CRTAP: variants seen among roughly 807,000 people sequenced by gnomAD.
The protein encoded by CRTAP is cartilage associated protein, also known as cartilage-associated protein.
In CRTAP, 33 loss-of-function variants were observed where a neutral mutation model predicts 42.7. The observed-to-expected ratio is 0.77, with a 90% CI of 0.59 to 1.03. The LOEUF (loss-of-function observed/expected upper bound fraction) is 1.03. Among genes scored for constraint, CRTAP ranks in the 50% least tolerant of loss-of-function variants. The pLI is 0.00. For synonymous variants in CRTAP, 243 were observed against 217.7 expected, an observed-to-expected ratio of 1.12 and a Z score of -1.02; for missense variants, 613 against 533.9, an observed-to-expected ratio of 1.15 and a Z score of -1.46.
intron 6 of CRTAP, among the ~76,000 whole-genome samples, chr3:33,141,633 G>C (rs1176091959): frequency 1.3e-5 from 2 of 152,204 alleles, no homozygotes; most frequent in Non-Finnish European, 2.9e-5. Flanking sequence ...GACTCTTATG[G>C]AAGGGGCCTC....
chr3:33,147,453 G>T lies in CRTAP; in HGVS notation c.*5005G>T, dbSNP rs532876768. On this transcript the variant is annotated 3_prime_UTR_variant, in exon 7 of 7. Coordinates refer to ENST00000320954, the MANE Select transcript of CRTAP (RefSeq NM_006371.5). ...AAATAGCTGGCTTTCGTTGCTTGTT[G>T]AATGAATGAGTGAGTTGGCTCTATA... is the stretch of plus-strand genomic sequence containing the variant. 1.5e-4 allele frequency: 23 copies of T among 152,664 alleles called. No individual in the cohort carries two copies. Among genetic ancestry groups the T allele is most frequent in the African/African-American group, 5.1e-4 (21 of 41,576 alleles). 9.5% of individuals were successfully genotyped at this position (152,664 alleles called of 1,614,324 possible). A position where few individuals can be genotyped will look rare whatever the true frequency, so the allele number is the denominator to read the frequency against.
Position 33,144,699 on chromosome 3 carries a change from T to TA in CRTAP, c.*2254dup, listed in dbSNP as rs2030674696. On this transcript the variant is annotated 3_prime_UTR_variant, in exon 7 of 7. Transcript: ENST00000320954. ...GAACCATCAGCATGTCAGTGGCATT[T>TA]AAAGCCATGCAGCTGGAGGGGCCAC... 1 of 152,166 alleles carries TA rather than the reference T, an allele frequency of 6.6e-6. No homozygotes were observed. The highest frequency in any genetic ancestry group is 1.5e-5 in the Non-Finnish European group (1 of 68,042). 9.4% of individuals were successfully genotyped at this position (152,166 alleles called of 1,614,324 possible). A position where few individuals can be genotyped will look rare whatever the true frequency, so the allele number is the denominator to read the frequency against.
intron 1 of CRTAP, among the ~76,000 whole-genome samples, chr3:33,116,091 T>G (rs1701339894): frequency 6.6e-6 from 1 of 152,168 alleles, no homozygotes; most frequent in African/African-American, 2.4e-5. Flanking sequence ...CAAATTTAGG[T>G]CACATAATCA....
rs1380555248 is a variant in CRTAP, at chr3:33,143,452, G to C, written c.*1004G>C. Reference sequence around the variant, plus strand: ...GTTATAAGTCTCCGAGTTGGAAAAGGAAGAAAGCCAGAGCTGTCTAGTTTC... The same window carrying C: ...GTTATAAGTCTCCGAGTTGGAAAAGCAAGAAAGCCAGAGCTGTCTAGTTTC... On this transcript the variant is annotated 3_prime_UTR_variant, in exon 7 of 7. Coordinates refer to ENST00000320954, the MANE Select transcript of CRTAP (RefSeq NM_006371.5). 1 of 152,248 alleles carries C rather than the reference G, an allele frequency of 6.6e-6. No homozygotes were observed. Among genetic ancestry groups the C allele is most frequent in the African/African-American group, 2.4e-5 (1 of 41,458 alleles). The allele number at this position is 152,248 out of a possible 1,614,324, so 9.4% of individuals were successfully genotyped here.
At chr3:33,129,713 A>G (rs1326663169) in intron 3 of CRTAP, among the ~76,000 whole-genome samples, 1 of 151,182 alleles carries the variant, frequency 6.6e-6, no homozygotes, top group Non-Finnish European at 1.5e-5. Context: ...AATTTTTTGT[A>G]TTTTTAGTGA....
chr3:33,117,317 A>G (rs879795310), intron 1 of CRTAP, among the ~76,000 whole-genome samples: 2 of 152,134 alleles, frequency 1.3e-5, no homozygotes, highest in African/African-American at 2.4e-5. Flanking sequence ...GCCTCAATTG[A>G]TCACTGGAAT....
In CRTAP at chr3:33,147,384, T is replaced by A. The variant is rs2030749960; in HGVS notation, c.*4936T>A. ...AGAGTGTTTTCCGTCTAGGGCCGGCTCGTGAACAGCCACATATCCTTGCAC... is the reference window on the plus strand; with the variant it reads ...AGAGTGTTTTCCGTCTAGGGCCGGCACGTGAACAGCCACATATCCTTGCAC... On this transcript the variant is annotated 3_prime_UTR_variant, in exon 7 of 7. Coordinates refer to ENST00000320954, the MANE Select transcript of CRTAP (RefSeq NM_006371.5). 6.5e-6 allele frequency: 1 copy of A among 152,686 alleles called. No individual in the cohort carries two copies. The highest frequency in any genetic ancestry group is 2.4e-5 in the African/African-American group (1 of 41,460). The allele number at this position is 152,686 out of a possible 1,614,324, so 9.5% of individuals were successfully genotyped here.
At position 33,143,255 on chromosome 3, in the gene CRTAP, T is replaced by TA. The variant is rs1270718460; in HGVS notation, c.*810dup. ...GGGAAAGATGGTGGAAGACATAGGC[T>TA]AAATTTCTCCAGCCTCACAATGGTC... On this transcript the variant is annotated 3_prime_UTR_variant, in exon 7 of 7. Transcript: ENST00000320954. The TA allele has an allele frequency of 6.6e-6, 1 of 152,290 alleles. No homozygotes were observed. Among genetic ancestry groups the TA allele is most frequent in the African/African-American group, 2.4e-5 (1 of 41,480 alleles). 9.4% of individuals were successfully genotyped at this position (152,290 alleles called of 1,614,324 possible).
chr3:33,128,507 A>C (rs1187017787), intron 3 of CRTAP, among the ~76,000 whole-genome samples: 2 of 152,206 alleles, frequency 1.3e-5, no homozygotes, highest in East Asian at 3.9e-4. Flanking sequence ...ACCGCTATAT[A>C]AATGTCCTCC....
At position 33,114,313 on chromosome 3, in the gene CRTAP, A is replaced by G. The variant is rs1350182235; in HGVS notation, c.236A>G (p.Asp79Gly). The G allele has an allele frequency of 6.4e-7, 1 of 1,550,660 alleles. No individual in the cohort carries two copies. Among genetic ancestry groups the G allele is most frequent in the South Asian group, 1.2e-5 (1 of 84,830 alleles). ...ISLRLHRLLRDSEAFCHRNCS... is the reference protein window; with the variant it reads ...ISLRLHRLLRGSEAFCHRNCS... ...CTGCGGCTGCACCGCTTGCTGCGCG[A>G]CAGCGAGGCCTTCTGCCACCGCAAC... is the stretch of plus-strand genomic sequence containing the variant. The change falls in exon 1 of 7, where the codon GAC (aspartate) becomes GGC (glycine). Residue 79 changes from aspartate (D) to glycine (G), a missense_variant. Asp to Gly is a moderately conservative substitution (Grantham distance 94). Transcript: ENST00000320954.
chr3:33,135,316 T>C (rs536533759), intron 6 of CRTAP, among the ~76,000 whole-genome samples: 59 of 152,218 alleles, frequency 3.9e-4, no homozygotes, highest in Admixed American at 5.2e-4. Flanking sequence ...ACCAACAAGA[T>C]TGGCCACTGT....
At chr3:33,120,045 C>A (rs1701398516) in intron 1 of CRTAP, among the ~76,000 whole-genome samples, 1 of 152,168 alleles carries the variant, frequency 6.6e-6, no homozygotes, top group Non-Finnish European at 1.5e-5. Context: ...TCTTTGGAAG[C>A]CAGAGAGCGA....
rs753136207 is a variant in CRTAP, at chr3:33,120,453, C to T, written c.581C>T (p.Ala194Val). Residue 194 changes from alanine to valine, a missense_variant, in exon 2 of 7, where the codon GCC (alanine) becomes GTC (valine). Coordinates refer to ENST00000320954, the MANE Select transcript of CRTAP (RefSeq NM_006371.5). ...GCATATTATAAGAGCCTGCCTGGTG[C>T]CGAGGACTACATTAAAGACCTGGAA... The part of the protein sequence containing the change: ...NMAYYKSLPG[A>V]EDYIKDLETK... 2 of 1,610,834 alleles carry T rather than the reference C, an allele frequency of 1.2e-6. No individual in the cohort carries two copies. The highest frequency in any genetic ancestry group is 1.7e-5 in the Admixed American group (1 of 59,998).
chr3:33,133,810 C>T (rs1402283811), intron 5 of CRTAP, among the ~76,000 whole-genome samples: 1 of 152,190 alleles, frequency 6.6e-6, no homozygotes, highest in Non-Finnish European at 1.5e-5. Flanking sequence ...AAACTCACCA[C>T]TTAGCATGTG....
At chr3:33,117,361 G>A (rs1325390076) in intron 1 of CRTAP, among the ~76,000 whole-genome samples, 1 of 152,190 alleles carries the variant, frequency 6.6e-6, no homozygotes, top group Non-Finnish European at 1.5e-5. Context: ...AGAGGGAGGC[G>A]AGGAGGTTTG....
intron 6 of CRTAP, among the ~76,000 whole-genome samples, chr3:33,140,102 G>A (rs920207158): frequency 6.6e-6 from 1 of 152,128 alleles, no homozygotes; most frequent in Non-Finnish European, 1.5e-5. Flanking sequence ...TGATGTACAA[G>A]AACAACATAT....
chr3:33,129,762 CT>C (rs1287485734), intron 3 of CRTAP, among the ~76,000 whole-genome samples, 176 bp from the exon 4 acceptor site: 1 of 151,214 alleles, frequency 6.6e-6, no homozygotes, highest in Middle Eastern at 3.4e-3. Context: ...GGTCTCGATC[CT>C]CCTGACCTTG....
At chr3:33,127,594 T>C (rs1195930061) in intron 3 of CRTAP, among the ~76,000 whole-genome samples, 2 of 145,440 alleles carry the variant, frequency 1.4e-5, no homozygotes, top group Non-Finnish European at 3.0e-5. Context: ...ATTACAGGCA[T>C]GCACCAACAC....
chr3:33,118,118 G>A (rs1701367200), intron 1 of CRTAP, among the ~76,000 whole-genome samples: 1 of 152,022 alleles, frequency 6.6e-6, no homozygotes, highest in African/African-American at 2.4e-5. Context: ...CTGCCACTGT[G>A]CCTGGCTAAT....
Sources: allele counts gnomAD v4.1 joint callset (sites outside exome capture counted in the v4.1 genomes callset), GRCh38; gene constraint gnomAD v4.1.1; transcripts MANE v1.5; gene names NCBI Gene and HGNC (gene_info 2026-07-23, HGNC 2026-07-21).